Variants in RIMS1 observed in about 807,000 individuals in gnomAD.
RIMS1 encodes regulating synaptic membrane exocytosis 1, also known as regulating synaptic membrane exocytosis protein 1.
RIMS1 carries 83 observed loss-of-function variants against 214.1 expected under a neutral mutation model. The ratio of observed to expected loss-of-function variants is 0.39; its 90% CI spans 0.32 to 0.47. The LOEUF is 0.47. Ranked by LOEUF, RIMS1 falls within the 20% of genes least tolerant of loss-of-function variation. The probability of loss-of-function intolerance (pLI) is 0.99; values close to 1 mark genes in which losing one functional copy is unlikely to be tolerated. For missense variants in RIMS1, 2,050 were observed against 2,161.8 expected, an observed-to-expected ratio of 0.95 and a Z score of 1.03; for synonymous variants, 793 against 786.8, an observed-to-expected ratio of 1.01 and a Z score of -0.13.
chr6:72,361,470 G>A (rs1192763259), intron 29 of RIMS1, among the ~76,000 whole-genome samples: 2 of 151,954 alleles, frequency 1.3e-5, no homozygotes, highest in Non-Finnish European at 2.9e-5. Context: ...CTTATTCCAG[G>A]GGTCAGAAGT....
At chr6:72,017,871 A>G (rs1023226834) in intron 2 of RIMS1, among the ~76,000 whole-genome samples, 25 of 152,230 alleles carry the variant, frequency 1.6e-4, no homozygotes, top group Non-Finnish European at 3.2e-4. Flanking sequence ...GCAGAAGGAC[A>G]TGCAAGTGCA....
chr6:72,334,042 T>C (rs1166804438), intron 29 of RIMS1, among the ~76,000 whole-genome samples: 1 of 151,854 alleles, frequency 6.6e-6, no homozygotes, highest in Non-Finnish European at 1.5e-5. Context: ...TTTAAATCTG[T>C]AAAGTGGACA....
rs544181938 is a variant in RIMS1 at position 72,271,132 on chromosome 6, G to A, written c.3399-3217G>A. ...AATACAAAAAGTAGCCAGGCGTGGC[G>A]GTGTGCACCTGTGGTCCCAGCTACT... On this transcript the variant is annotated intron_variant, in intron 22 of 33. Transcript: ENST00000521978. 1.2e-4 allele frequency among the ~76,000 whole-genome samples: 18 copies of A among 151,546 alleles called. 2 individuals are homozygous for A. Among genetic ancestry groups the A allele is most frequent in the Admixed American group, 9.2e-4 (14 of 15,210 alleles).
intron 29 of RIMS1, among the ~76,000 whole-genome samples, chr6:72,378,769 A>G (rs1474331760): frequency 1.3e-5 from 2 of 152,080 alleles, no homozygotes; most frequent in Non-Finnish European, 2.9e-5. Context: ...AACCTGGGGG[A>G]TGGAGGTTGC....
At chr6:72,167,612 T>C (rs1362532378) in intron 4 of RIMS1, among the ~76,000 whole-genome samples, 2 of 152,176 alleles carry the variant, frequency 1.3e-5, no homozygotes, top group Non-Finnish European at 2.9e-5. Context: ...AATTCAACTT[T>C]TTTAATAGCT....
chr6:72,339,712 C>A (rs1373902554), intron 29 of RIMS1, among the ~76,000 whole-genome samples: 2 of 152,014 alleles, frequency 1.3e-5, no homozygotes, highest in Non-Finnish European at 2.9e-5. Flanking sequence ...GGTTCCAAGT[C>A]TTTGCTATTG....
intron 1 of RIMS1, among the ~76,000 whole-genome samples, chr6:71,928,588 C>G (rs906138395): frequency 2.0e-5 from 3 of 151,990 alleles, no homozygotes; most frequent in African/African-American, 7.2e-5. Flanking sequence ...TGAAATTTCA[C>G]TCAAATAACA....
At chr6:72,183,664 T>A (rs1359751719) in intron 6 of RIMS1, among the ~76,000 whole-genome samples, 1 of 151,734 alleles carries the variant, frequency 6.6e-6, no homozygotes, top group Non-Finnish European at 1.5e-5. Context: ...ACTGCATGGG[T>A]CCACTTATAT....
chr6:72,332,604 G>A (rs2096707661), intron 28 of RIMS1, among the ~76,000 whole-genome samples: 1 of 148,874 alleles, frequency 6.7e-6, no homozygotes, highest in African/African-American at 2.5e-5. Flanking sequence ...GTTAATGGGT[G>A]CAGCACACCA....
chr6:72,125,443 G>A (rs921440076), intron 4 of RIMS1, among the ~76,000 whole-genome samples: 2 of 152,182 alleles, frequency 1.3e-5, no homozygotes, highest in African/African-American at 2.4e-5. Context: ...CAGGGGTCAG[G>A]GACCCACTTG....
chr6:72,359,339 A>G (rs1239762199), intron 29 of RIMS1, among the ~76,000 whole-genome samples: 1 of 152,222 alleles, frequency 6.6e-6, no homozygotes, highest in Non-Finnish European at 1.5e-5. Context: ...ATGATTATCT[A>G]TGCTGCAGGC....
intron 2 of RIMS1, among the ~76,000 whole-genome samples, chr6:71,993,129 G>A (rs1802389131): frequency 6.6e-6 from 1 of 152,140 alleles, no homozygotes; most frequent in Non-Finnish European, 1.5e-5. Context: ...ATTAGTTATA[G>A]GTAAAGCTGC....
rs2050941740 is a variant in RIMS1, at chr6:72,196,441, GAC to G, written c.1678+13294_1678+13295del. Among the ~76,000 whole-genome samples, 3 of 151,748 alleles carry G rather than the reference GAC, an allele frequency of 2.0e-5. No homozygotes were observed. In the South Asian group the frequency reaches 6.2e-4, roughly 32 times the overall value. On this transcript the variant is annotated intron_variant, in intron 6 of 33. Coordinates refer to ENST00000521978, the MANE Select transcript of RIMS1 (RefSeq NM_014989.7). ...TATCTAACTGGGGACTTTATAGAGA[GAC>G]AGGATGCTTCAAAACAAAATCAGGC...
intron 15 of RIMS1, among the ~76,000 whole-genome samples, chr6:72,252,399 C>G (rs2073811437): frequency 6.6e-6 from 1 of 152,114 alleles, no homozygotes; most frequent in Non-Finnish European, 1.5e-5. Context: ...CCTTTCCACT[C>G]AGCCCTATTC....
rs868549093 is a variant in RIMS1 at position 72,219,672 on chromosome 6, T to G, written c.1679-14101T>G. 3.1e-3 allele frequency among the ~76,000 whole-genome samples: 61 copies of G among 19,696 alleles called. 1 individual carries two copies. Among genetic ancestry groups the G allele is most frequent in the African/African-American group, 0.013 (58 of 4,340 alleles). 12.9% of individuals were successfully genotyped at this position (19,696 alleles called of 152,430 possible). On this transcript the variant is annotated intron_variant, in intron 6 of 33. Transcript: ENST00000521978. ...TTAGGCTTATAAATAGCTTTGAGGGTTTTTTTTTGTTTGTTTTTGTTACAA... is the reference window on the plus strand; with the variant it reads ...TTAGGCTTATAAATAGCTTTGAGGGGTTTTTTTTGTTTGTTTTTGTTACAA...
At chr6:72,335,518 T>C (rs1481384334) in intron 29 of RIMS1, among the ~76,000 whole-genome samples, 1 of 151,992 alleles carries the variant, frequency 6.6e-6, no homozygotes, top group Admixed American at 6.6e-5. Flanking sequence ...TTGTGAACGG[T>C]GTTGGAATAA....
chr6:72,399,142 C>A, intron 33 of RIMS1, 48 bp downstream of exon 33: 3 of 1,468,690 alleles, frequency 2.0e-6, no homozygotes, highest in South Asian at 3.2e-5. Flanking sequence ...TCTGTTTTAC[C>A]CATACATCGA....
intron 2 of RIMS1, among the ~76,000 whole-genome samples, chr6:72,075,712 GGTCTCTAAATAA>G (rs1278403278): frequency 6.6e-6 from 1 of 152,072 alleles, no homozygotes; most frequent in African/African-American, 2.4e-5. Context: ...CCCTTCTGTG[GGTCTCTAAATAA>G]CACAAAAGTT....
chr6:71,968,992 C>G lies in RIMS1; in HGVS notation c.174C>G (p.Val58=). The G allele has an allele frequency of 6.2e-7, 1 of 1,613,948 alleles. No individual in the cohort carries two copies. Among genetic ancestry groups the G allele is most frequent in the Non-Finnish European group, 8.5e-7 (1 of 1,179,842 alleles). ...EKEEAMLKCV[V]RDMAKPAACK... is the part of the protein sequence containing the mutation. Reference sequence around the variant, plus strand: ...CTATCATGCGCCCCAGGTGTGTTGTCAGGGACATGGCGAAGCCTGCTGCCT... The same window carrying G: ...CTATCATGCGCCCCAGGTGTGTTGTGAGGGACATGGCGAAGCCTGCTGCCT... The change falls in exon 2 of 34, where the codon GTC becomes GTG. Residue 58 remains valine, a synonymous_variant. Transcript: ENST00000521978.
Sources: allele counts gnomAD v4.1 joint callset (sites outside exome capture counted in the v4.1 genomes callset), GRCh38; gene constraint gnomAD v4.1.1; transcripts MANE v1.5; gene names NCBI Gene and HGNC (gene_info 2026-07-23, HGNC 2026-07-21).